FHIT: variants seen among roughly 807,000 people sequenced by gnomAD.
FHIT encodes fragile histidine triad diadenosine triphosphatase, also known as bis(5'-adenosyl)-triphosphatase.
In FHIT, 19 loss-of-function variants were observed where a neutral mutation model predicts 17.9. The observed-to-expected ratio is 1.06, with a 90% CI of 0.74 to 1.56. FHIT has a LOEUF of 1.56. Among genes scored for constraint, FHIT ranks in the 40% most tolerant of loss-of-function variants. The pLI is 0.00. For synonymous variants in FHIT, 81 were observed against 69.7 expected (o/e 1.16, Z -0.81); for missense variants, 248 against 189.2 (o/e 1.31, Z -1.82).
At chr3:59,974,416 C>T (rs11130741) in intron 7 of FHIT, among the ~76,000 whole-genome samples, 111,630 of 152,078 alleles carry the variant, frequency 0.73, 41,473 homozygotes, top group East Asian at 0.99. Context: ...CACCTACCTA[C>T]TGGCTTCAGC....
chr3:60,051,403 T>C (rs115601062), intron 5 of FHIT, among the ~76,000 whole-genome samples: 1 of 140,670 alleles, frequency 7.1e-6, no homozygotes, highest in African/African-American at 2.6e-5. Flanking sequence ...CATGACCAAA[T>C]AAGGTGAACA....
At chr3:60,727,114 C>G (rs2041931716) in intron 4 of FHIT, among the ~76,000 whole-genome samples, 1 of 152,076 alleles carries the variant, frequency 6.6e-6, no homozygotes, top group African/African-American at 2.4e-5. Flanking sequence ...ATTGCTTTAT[C>G]ATTCTTAAAT....
intron 8 of FHIT, among the ~76,000 whole-genome samples, chr3:59,765,032 C>T (rs1701725736): frequency 6.6e-6 from 1 of 152,158 alleles, no homozygotes; most frequent in African/African-American, 2.4e-5. Flanking sequence ...ATGTACCTAA[C>T]CTTCCAATTA....
At chr3:59,889,904 T>C (rs572344072) in intron 8 of FHIT, among the ~76,000 whole-genome samples, 2 of 152,336 alleles carry the variant, frequency 1.3e-5, no homozygotes, top group South Asian at 2.1e-4. Context: ...TTGCGAATGA[T>C]ATTGTAATGA....
chr3:59,752,298 G>C lies in FHIT; in HGVS notation c.372C>G (p.Asp124Glu). The C allele has an allele frequency of 6.2e-7, 1 of 1,612,580 alleles. No individual in the cohort carries two copies. The highest frequency in any genetic ancestry group is 8.5e-7 in the Non-Finnish European group (1 of 1,179,448). The change falls in exon 9 of 10, where the codon GAC becomes GAG. Residue 124 changes from aspartate (D) to glutamate (E), a missense_variant. Physicochemically the swap from Asp to Glu is conservative, Grantham distance 45. Transcript: ENST00000492590. The stretch of plus-strand genomic sequence containing the variant: ...CCTCTGATCTCCAAGAGGCAGGAAA[G>C]TCCTCCTTGTCATGTTTCTGGAGCT... ...YEELQKHDKE[D>E]FPASWRSEEE... is the part of the protein sequence containing the mutation.
In FHIT at chr3:60,533,222, T is replaced by C. The variant is rs542886028; in HGVS notation, c.103+3638A>G. On this transcript the variant is annotated intron_variant, in intron 5 of 9. Coordinates refer to ENST00000492590, the MANE Select transcript of FHIT (RefSeq NM_002012.4). ...CTAGCTTGGACATGATACTGAAACA[T>C]CTGGAAAAAAGTGGTGACAAGACTT... Among the ~76,000 whole-genome samples, 5 of 152,160 alleles carry C rather than the reference T, an allele frequency of 3.3e-5. No individual in the cohort carries two copies. The South Asian group carries it at 6.2e-4, about 19-fold the overall frequency.
At chr3:61,088,489 T>C (rs1015933444) in intron 2 of FHIT, among the ~76,000 whole-genome samples, 10 of 152,156 alleles carry the variant, frequency 6.6e-5, no homozygotes, top group African/African-American at 1.9e-4. Flanking sequence ...ATCCCTTGCT[T>C]TCTATGAAGA....
At chr3:60,085,272 A>C (rs761839987) in intron 5 of FHIT, among the ~76,000 whole-genome samples, 5 of 152,280 alleles carry the variant, frequency 3.3e-5, no homozygotes, top group Non-Finnish European at 7.3e-5. Flanking sequence ...GAAGATTACC[A>C]AGAGCAGATC....
At chr3:60,339,850 AT>A (rs1246823604) in intron 5 of FHIT, among the ~76,000 whole-genome samples, 1 of 152,122 alleles carries the variant, frequency 6.6e-6, no homozygotes, top group Non-Finnish European at 1.5e-5. Context: ...ATGCACGCTC[AT>A]TTTTAATGTT....
At position 60,078,674 on chromosome 3, in the gene FHIT, C is replaced by T. The variant is rs530125523; in HGVS notation, c.104-64522G>A. On this transcript the variant is annotated intron_variant, in intron 5 of 9. Coordinates refer to ENST00000492590, the MANE Select transcript of FHIT (RefSeq NM_002012.4). Reference sequence around the variant, plus strand: ...GGTTCAGTAATTACACTATGTTTTTCTAAGAAAATGTCTTGTTTAAATACA... The same window carrying T: ...GGTTCAGTAATTACACTATGTTTTTTTAAGAAAATGTCTTGTTTAAATACA... Among the ~76,000 whole-genome samples, 13 of 152,178 alleles carry T rather than the reference C, an allele frequency of 8.5e-5. No homozygotes were observed. In the East Asian group the frequency reaches 2.3e-3, roughly 27 times the overall value.
chr3:60,966,737 T>C (rs7426804), intron 3 of FHIT, among the ~76,000 whole-genome samples: 39,227 of 152,190 alleles, frequency 0.26, 6,347 homozygotes, highest in East Asian at 0.62. Context: ...TAAGAGGCTA[T>C]TGTAGCAAGG....
chr3:60,236,548 C>G (rs1704805654), intron 5 of FHIT, among the ~76,000 whole-genome samples: 1 of 152,054 alleles, frequency 6.6e-6, no homozygotes, highest in Admixed American at 6.6e-5. Flanking sequence ...TGCTGTGGCA[C>G]AATGGGTTTT....
At chr3:60,853,317 T>C (rs910144856) in intron 3 of FHIT, among the ~76,000 whole-genome samples, 4 of 152,166 alleles carry the variant, frequency 2.6e-5, no homozygotes, top group African/African-American at 7.2e-5. Context: ...TTGATGTCTA[T>C]GATGTATTTG....
chr3:60,193,508 T>C (rs551665901), intron 5 of FHIT, among the ~76,000 whole-genome samples: 2 of 152,280 alleles, frequency 1.3e-5, no homozygotes, highest in East Asian at 3.9e-4. Flanking sequence ...AAGAAAGGCC[T>C]CAGACCATTT....
intron 8 of FHIT, among the ~76,000 whole-genome samples, chr3:59,752,685 TAGTG>T (rs1018294871): frequency 1.3e-5 from 2 of 152,218 alleles, no homozygotes; most frequent in Admixed American, 6.5e-5. Flanking sequence ...GTTCTCATGA[TAGTG>T]AGTTATTGGG....
chr3:61,146,636 T>C (rs1018977110), intron 2 of FHIT, among the ~76,000 whole-genome samples: 12 of 152,014 alleles, frequency 7.9e-5, no homozygotes, highest in African/African-American at 2.9e-4. Flanking sequence ...AGACAAATAT[T>C]TGCACCATGA....
intron 4 of FHIT, among the ~76,000 whole-genome samples, chr3:60,801,910 A>G (rs1701204851): frequency 6.6e-6 from 1 of 152,214 alleles, no homozygotes; most frequent in Non-Finnish European, 1.5e-5. Context: ...CCAACAAATT[A>G]AGTAAAAATG....
At chr3:61,042,422 A>C (rs1484287417) in intron 2 of FHIT, among the ~76,000 whole-genome samples, 1 of 152,202 alleles carries the variant, frequency 6.6e-6, no homozygotes, top group East Asian at 1.9e-4. Context: ...CTCGGAGGTA[A>C]GTTGGGGTAT....
chr3:59,933,624 A>G (rs1314829961), intron 7 of FHIT, among the ~76,000 whole-genome samples: 1 of 152,162 alleles, frequency 6.6e-6, no homozygotes, highest in East Asian at 1.9e-4. Context: ...TCCTGAGTAA[A>G]TAACTAATGT....
Sources: allele counts gnomAD v4.1 joint callset (sites outside exome capture counted in the v4.1 genomes callset), GRCh38; gene constraint gnomAD v4.1.1; transcripts MANE v1.5; gene names NCBI Gene and HGNC (gene_info 2026-07-23, HGNC 2026-07-21).